CNTLN: variants seen among roughly 807,000 people sequenced by gnomAD.
CNTLN encodes the protein centlein, centrosomal protein.
A neutral mutation model predicts 180.0 loss-of-function variants in CNTLN; 212 were observed. The ratio of observed to expected loss-of-function variants is 1.18; its 90% confidence interval spans 1.05 to 1.32. The LOEUF (loss-of-function observed/expected upper bound fraction) is 1.32. Ranked by LOEUF, CNTLN falls within the 40% of genes most tolerant of loss-of-function variation. The pLI, the probability that CNTLN is intolerant of heterozygous loss-of-function variation, is 0.00. For missense variants in CNTLN, 2,095 were observed against 1,610.9 expected (o/e 1.30, Z -5.14); for synonymous variants, 722 against 563.1 (o/e 1.28, Z -3.99).
chr9:17,280,086 A>T (rs1828573088), intron 6 of CNTLN, among the ~76,000 whole-genome samples: 1 of 152,150 alleles, frequency 6.6e-6, no homozygotes, highest in East Asian at 1.9e-4. Context: ...GTAAGAAATA[A>T]ATTCCTTTTT....
At chr9:17,400,354 G>A (rs1372609572) in intron 15 of CNTLN, among the ~76,000 whole-genome samples, 1 of 152,098 alleles carries the variant, frequency 6.6e-6, no homozygotes, top group Non-Finnish European at 1.5e-5. Context: ...GGCCAGGCTG[G>A]TCTGGAACTC....
At chr9:17,135,589 C>G (rs568795320) in intron 1 of CNTLN, among the ~76,000 whole-genome samples, 164 bp downstream of exon 1, 49 of 152,298 alleles carry the variant, frequency 3.2e-4, no homozygotes, top group African/African-American at 1.1e-3. Flanking sequence ...AGGGACGCGG[C>G]TGCGCCCGGC....
the CNTLN span, among the ~76,000 whole-genome samples, chr9:17,524,070 C>T: frequency 6.6e-6 from 1 of 152,164 alleles, no homozygotes. Flanking sequence ...AAATTGACAA[C>T]CTGTATGTCA....
chr9:17,142,196 G>A (rs1408554939), intron 1 of CNTLN, among the ~76,000 whole-genome samples: 1 of 151,898 alleles, frequency 6.6e-6, no homozygotes, highest in African/African-American at 2.4e-5. Flanking sequence ...GGATGGCTTT[G>A]AATGCGGCCT....
intron 12 of CNTLN, 35 bp downstream of exon 12, chr9:17,342,479 A>G: frequency 6.4e-7 from 1 of 1,558,388 alleles, no homozygotes. Flanking sequence ...GACTTAGATA[A>G]AATACTTGGG....
chr9:17,496,239 A>T lies in CNTLN; in HGVS notation c.4120-6312A>T, dbSNP rs984903894. On this transcript the variant is annotated intron_variant, in intron 25 of 25. Coordinates refer to ENST00000380647, the MANE Select transcript of CNTLN (RefSeq NM_017738.4). ...CCATCCCTTTATTTTTCCTACCTGT[A>T]CTATTAAGTGTTCTCTTAGTCATAT... Among the ~76,000 whole-genome samples, 4 of 152,132 alleles carry T rather than the reference A, an allele frequency of 2.6e-5. No individual in the cohort carries two copies. The East Asian group carries it at 7.7e-4, about 29-fold the overall frequency.
chr9:17,259,125 C>T (rs1826743530), intron 5 of CNTLN, among the ~76,000 whole-genome samples: 1 of 143,488 alleles, frequency 7.0e-6, no homozygotes, highest in Non-Finnish European at 1.5e-5. Flanking sequence ...ATAGATAGCT[C>T]TTATTATTTT....
chr9:17,397,134 A>G (rs976072137), intron 15 of CNTLN, among the ~76,000 whole-genome samples: 8 of 152,158 alleles, frequency 5.3e-5, no homozygotes, highest in African/African-American at 1.9e-4. Context: ...ATAAATAATC[A>G]ATAGTTAGGT....
intron 7 of CNTLN, 144 bp downstream of exon 7, chr9:17,298,496 G>T: frequency 7.5e-7 from 1 of 1,325,130 alleles, no homozygotes; most frequent in Non-Finnish European, 9.7e-7. Flanking sequence ...GTGAAGGATG[G>T]TTCAATTTGA....
intron 12 of CNTLN, among the ~76,000 whole-genome samples, chr9:17,355,117 G>A (rs1318897782): frequency 3.3e-5 from 5 of 152,138 alleles, no homozygotes; most frequent in African/African-American, 1.2e-4. Context: ...AACACTCACC[G>A]CGAGGGTCCG....
At chr9:17,196,289 G>T (rs569880870) in intron 2 of CNTLN, among the ~76,000 whole-genome samples, 10 of 152,290 alleles carry the variant, frequency 6.6e-5, no homozygotes, top group African/African-American at 2.4e-4. Flanking sequence ...CTCCCAAAAT[G>T]CAGGGATTAC....
At chr9:17,328,501 G>A (rs957838844) in intron 8 of CNTLN, among the ~76,000 whole-genome samples, 2 of 152,172 alleles carry the variant, frequency 1.3e-5, no homozygotes, top group Non-Finnish European at 2.9e-5. Context: ...CAGTGGGGCT[G>A]AGTGTTGACA....
chr9:17,415,644 T>A, intron 16 of CNTLN, 144 bp from the exon 17 acceptor site: 1 of 618,016 alleles, frequency 1.6e-6, no homozygotes, highest in Non-Finnish European at 2.9e-6. Context: ...CCTCAAGCAG[T>A]CCTCCTGCCT....
At position 17,330,778 on chromosome 9, in the gene CNTLN, C is replaced by A. The variant is rs555774442; in HGVS notation, c.1488C>A (p.Ser496Arg). 4 of 1,608,420 alleles carry A rather than the reference C, an allele frequency of 2.5e-6. No individual in the cohort carries two copies. The African/African-American group carries it at 4.0e-5, about 16-fold the overall frequency. The change falls in exon 9 of 26, where the codon AGC becomes AGA. Residue 496 changes from serine to arginine, a missense_variant. Coordinates refer to ENST00000380647, the MANE Select transcript of CNTLN (RefSeq NM_017738.4). ...CCAACAAGGGTTTCTCCCGAAAGAG[C>A]ATCATGACAAGTGCTGAAGGAAAAC... ...ISANKGFSRKSIMTSAEGKHK... is the reference protein window; with the variant it reads ...ISANKGFSRKRIMTSAEGKHK...
At chr9:17,285,021 T>C (rs1273636865) in intron 6 of CNTLN, among the ~76,000 whole-genome samples, 3 of 151,762 alleles carry the variant, frequency 2.0e-5, no homozygotes, top group South Asian at 2.1e-4. Context: ...TTTTTAATTA[T>C]ACTTTAAGTT....
chr9:17,197,963 G>GT (rs1483149597), intron 2 of CNTLN, among the ~76,000 whole-genome samples: 1 of 152,086 alleles, frequency 6.6e-6, no homozygotes, highest in Admixed American at 6.6e-5. Context: ...TGTATATCCA[G>GT]TTTTCCCAGT....
chr9:17,424,032 A>G (rs1324839035), intron 18 of CNTLN, among the ~76,000 whole-genome samples: 3 of 152,114 alleles, frequency 2.0e-5, no homozygotes, highest in Non-Finnish European at 4.4e-5. Context: ...TCTTCCCTGG[A>G]TAATTGTTGA....
chr9:17,334,786 A>G lies in CNTLN; in HGVS notation c.1644+2056A>G, dbSNP rs146058586. On this transcript the variant is annotated intron_variant, in intron 10 of 25. Coordinates refer to ENST00000380647, the MANE Select transcript of CNTLN (RefSeq NM_017738.4). ...CTGCAAAAGGAAGGGAGCAAGGGCTATAAACCTTCTTATTGGGTACTGTGT... is the reference window on the plus strand; with the variant it reads ...CTGCAAAAGGAAGGGAGCAAGGGCTGTAAACCTTCTTATTGGGTACTGTGT... Among the ~76,000 whole-genome samples, 85 of 152,268 alleles carry G rather than the reference A, an allele frequency of 5.6e-4. No homozygotes were observed. The Middle Eastern group carries it at 0.01, about 18-fold the overall frequency.
In CNTLN at chr9:17,409,400, C is replaced by A. The variant is rs199809137; in HGVS notation, c.2723C>A (p.Pro908Gln). 7 of 1,613,032 alleles carry A rather than the reference C, an allele frequency of 4.3e-6. No individual in the cohort carries two copies. The highest frequency in any genetic ancestry group is 5.9e-6 in the Non-Finnish European group (7 of 1,179,516). Reference protein sequence around the residue: ...EDGKDQKESDPTEDSQTQGKE... With the variant: ...EDGKDQKESDQTEDSQTQGKE... ...GGAAAAGACCAGAAAGAAAGTGATC[C>A]AACAGAAGACAGCCAAACACAAGGA... Residue 908 changes from proline to glutamine, a missense_variant, in exon 16 of 26, where the codon CCA (proline) becomes CAA (glutamine). Physicochemically the swap from Pro to Gln is moderately conservative, Grantham distance 76. Coordinates refer to ENST00000380647, the MANE Select transcript of CNTLN (RefSeq NM_017738.4).
Sources: allele counts gnomAD v4.1 joint callset (sites outside exome capture counted in the v4.1 genomes callset), GRCh38; gene constraint gnomAD v4.1.1; transcripts MANE v1.5; gene names NCBI Gene and HGNC (gene_info 2026-07-23, HGNC 2026-07-21).